AMBRA1: variants seen among roughly 807,000 people sequenced by gnomAD.
AMBRA1 encodes the protein activating molecule in BECN1-regulated autophagy protein 1.
Under a neutral mutation model 125.4 loss-of-function variants are expected in AMBRA1, and 47 were observed. That is an observed-to-expected ratio of 0.37 (90% CI 0.30 to 0.48). The LOEUF is 0.48. Among genes scored for constraint, AMBRA1 ranks in the 20% least tolerant of loss-of-function variants. AMBRA1 has a pLI of 0.99. For missense variants in AMBRA1, 1,331 were observed against 1,693.4 expected (o/e 0.79, Z 3.76); for synonymous variants, 626 against 655.5 (o/e 0.95, Z 0.69).
At chr11:46,490,825 C>T (rs1161355011) in intron 11 of AMBRA1, among the ~76,000 whole-genome samples, 1 of 152,108 alleles carries the variant, frequency 6.6e-6, no homozygotes, top group Non-Finnish European at 1.5e-5. Context: ...TAGAACACTG[C>T]CTGGCATATG....
intron 7 of AMBRA1, among the ~76,000 whole-genome samples, chr11:46,524,982 G>C (rs1221878832): frequency 3.3e-5 from 5 of 152,190 alleles, no homozygotes; most frequent in Non-Finnish European, 7.3e-5. Context: ...CCTTCTGTTA[G>C]TTATATATAT....
intron 1 of AMBRA1, among the ~76,000 whole-genome samples, chr11:46,551,802 CG>C (rs1565287753): frequency 6.6e-6 from 1 of 152,058 alleles, no homozygotes; most frequent in Admixed American, 6.5e-5. Context: ...CCAAGGCAGA[CG>C]GATCACCTGA....
At position 46,396,461 on chromosome 11, in the gene AMBRA1, A is replaced by C. The variant is rs1269539936; in HGVS notation, c.*989T>G. The stretch of plus-strand genomic sequence containing the variant: ...TGATGTGATCTTTGGTGTTTCCCTC[A>C]TTAGCTGTAGACTATCCCCTCTCCT... On this transcript the variant is annotated 3_prime_UTR_variant, in exon 18 of 18. Transcript: ENST00000683756. 6.6e-6 allele frequency: 1 copy of C among 152,518 alleles called. No homozygotes were observed. The highest frequency in any genetic ancestry group is 6.5e-5 in the Admixed American group (1 of 15,276). The allele number at this position is 152,518 out of a possible 1,614,324, so 9.4% of individuals were successfully genotyped here.
chr11:46,484,566 T>C (rs953394552), intron 11 of AMBRA1, among the ~76,000 whole-genome samples: 29 of 152,292 alleles, frequency 1.9e-4, no homozygotes, highest in Non-Finnish European at 1.8e-4. Flanking sequence ...TTAAGATTTC[T>C]ACTTTGTACT....
chr11:46,547,057 T>TG, intron 4 of AMBRA1, 56 bp downstream of exon 4: 3 of 1,436,364 alleles, frequency 2.1e-6, no homozygotes, highest in Non-Finnish European at 2.8e-6. Context: ...AGACTCCGTC[T>TG]CAAAAAAAAA....
At position 46,593,859 on chromosome 11, in the gene AMBRA1, C is replaced by G. The variant is rs1481295064; in HGVS notation, c.-152G>C. ...GGCAGACGGGAGCTCGGTTTGCAGT[C>G]CAGCGAACGGGCTGAGCCACAGGGA... On this transcript the variant is annotated 5_prime_UTR_variant, in exon 1 of 18. Transcript: ENST00000683756. 1 of 397,436 alleles carries G rather than the reference C, an allele frequency of 2.5e-6. No individual in the cohort carries two copies. Among genetic ancestry groups the G allele is most frequent in the Admixed American group, 4.4e-5 (1 of 22,692 alleles). The allele number at this position is 397,436 out of a possible 1,614,324, so 24.6% of individuals were successfully genotyped here. A position where few individuals can be genotyped will look rare whatever the true frequency, so the allele number is the denominator to read the frequency against.
chr11:46,586,601 T>C (rs928267607), intron 1 of AMBRA1, among the ~76,000 whole-genome samples: 1 of 152,224 alleles, frequency 6.6e-6, no homozygotes, highest in Non-Finnish European at 1.5e-5. Flanking sequence ...ATCATTATCA[T>C]GTGTTCTTTT....
chr11:46,445,435 G>A (rs1342622301), intron 11 of AMBRA1, among the ~76,000 whole-genome samples: 1 of 152,122 alleles, frequency 6.6e-6, no homozygotes, highest in Non-Finnish European at 1.5e-5. Context: ...ATCATAAGAT[G>A]AGGTAAATAT....
intron 7 of AMBRA1, among the ~76,000 whole-genome samples, chr11:46,516,354 A>G (rs1951481315): frequency 6.6e-6 from 1 of 150,686 alleles, no homozygotes; most frequent in Non-Finnish European, 1.5e-5. Context: ...AAAGAACTAG[A>G]GTTACTAGAT....
chr11:46,579,989 A>C (rs1341053547), intron 1 of AMBRA1, among the ~76,000 whole-genome samples: 1 of 152,224 alleles, frequency 6.6e-6, no homozygotes, highest in Non-Finnish European at 1.5e-5. Flanking sequence ...CTGGGATTAC[A>C]GGCGTGAGTC....
chr11:46,424,434 C>T (rs1274552970), intron 14 of AMBRA1, among the ~76,000 whole-genome samples: 1 of 152,134 alleles, frequency 6.6e-6, no homozygotes, highest in Non-Finnish European at 1.5e-5. Flanking sequence ...TCAATTGGCC[C>T]GCTGCTTTCC....
In AMBRA1 at chr11:46,397,441, C is replaced by T. The variant is rs767993965; in HGVS notation, c.*9G>A. ...GGTTCGAGGGGAGGCACCAGTGCAA[C>T]GTTTGTCTCTACCTGTTCCGTGGTT... is the stretch of plus-strand genomic sequence containing the variant. On this transcript the variant is annotated 3_prime_UTR_variant, in exon 18 of 18. Transcript: ENST00000683756. 8 of 1,487,814 alleles carry T rather than the reference C, an allele frequency of 5.4e-6. No homozygotes were observed. The South Asian group carries it at 7.1e-5, about 13-fold the overall frequency. 92.2% of individuals were successfully genotyped at this position (1,487,814 alleles called of 1,614,324 possible). A position where few individuals can be genotyped will look rare whatever the true frequency, so the allele number is the denominator to read the frequency against.
chr11:46,563,980 A>C (rs908127351), intron 1 of AMBRA1, among the ~76,000 whole-genome samples: 2 of 151,888 alleles, frequency 1.3e-5, no homozygotes, highest in Admixed American at 1.3e-4. Context: ...CCCCGTCTCT[A>C]CTAAAAATAC....
intron 1 of AMBRA1, among the ~76,000 whole-genome samples, chr11:46,554,134 A>G (rs2043098436): frequency 6.6e-6 from 1 of 152,202 alleles, no homozygotes; most frequent in African/African-American, 2.4e-5. Context: ...CTTTTACCCA[A>G]TATAAAAAAG....
intron 11 of AMBRA1, among the ~76,000 whole-genome samples, chr11:46,446,020 G>C (rs117386288): frequency 1.9e-4 from 29 of 152,272 alleles, no homozygotes; most frequent in Non-Finnish European, 3.1e-4. Flanking sequence ...CCAAATCCCG[G>C]CTCCAGAGGC....
At chr11:46,398,895 T>A (rs1406257474) in intron 17 of AMBRA1, among the ~76,000 whole-genome samples, 2 of 152,056 alleles carry the variant, frequency 1.3e-5, no homozygotes, top group African/African-American at 4.8e-5. Flanking sequence ...TGCCTCAGCC[T>A]CCCAAGTAGC....
intron 14 of AMBRA1, among the ~76,000 whole-genome samples, chr11:46,430,806 C>T (rs950029539): frequency 6.6e-6 from 1 of 152,164 alleles, no homozygotes; most frequent in African/African-American, 2.4e-5. Flanking sequence ...GGTAGCAAAG[C>T]TCTAGGACAG....
chr11:46,507,439 A>G (rs1329176803), intron 9 of AMBRA1, among the ~76,000 whole-genome samples: 1 of 150,878 alleles, frequency 6.6e-6, no homozygotes, highest in Non-Finnish European at 1.5e-5. Flanking sequence ...AGATAGCGCC[A>G]CTGCACTCCA....
intron 14 of AMBRA1, among the ~76,000 whole-genome samples, chr11:46,429,980 T>TG (rs1459752626): frequency 1.3e-5 from 2 of 151,808 alleles, no homozygotes; most frequent in East Asian, 3.9e-4. Flanking sequence ...GAATCGCAAA[T>TG]GGACAGTGGG....
Sources: allele counts gnomAD v4.1 joint callset (sites outside exome capture counted in the v4.1 genomes callset), GRCh38; gene constraint gnomAD v4.1.1; transcripts MANE v1.5; gene names NCBI Gene and HGNC (gene_info 2026-07-23, HGNC 2026-07-21).